Variants in CASKIN2 observed in about 807,000 individuals in gnomAD.
CASKIN2 encodes the protein CASK interacting protein 2.
Under a neutral mutation model 107.1 loss-of-function variants are expected in CASKIN2, and 41 were observed. The observed-to-expected ratio is 0.38, with a 90% CI of 0.30 to 0.50. CASKIN2 has a LOEUF of 0.50. Ranked by LOEUF, CASKIN2 falls within the 20% of genes least tolerant of loss-of-function variation. The pLI, the probability that CASKIN2 is intolerant of heterozygous loss-of-function variation, is 0.92. For missense variants in CASKIN2, 1,546 were observed against 1,657.4 expected (o/e 0.93, Z 1.17); for synonymous variants, 724 against 705.6 (o/e 1.03, Z -0.41).
intron 2 of CASKIN2, among the ~76,000 whole-genome samples, chr17:75,510,361 C>G (rs555160243): frequency 2.0e-5 from 3 of 152,270 alleles, no homozygotes; most frequent in African/African-American, 7.2e-5. Flanking sequence ...TGTTCTCTCT[C>G]TGGATAGCTA....
At chr17:75,501,376 C>T (rs2053180651) in intron 19 of CASKIN2, 92 bp downstream of exon 19, 1 of 1,405,744 alleles carries the variant, frequency 7.1e-7, no homozygotes, top group Non-Finnish European at 9.9e-7. Context: ...CTGCAATGTC[C>T]CCCTCCAACA....
At position 75,503,975 on chromosome 17, in the gene CASKIN2, G is replaced by C; in HGVS notation, c.1468-13C>G. 1 of 1,602,846 alleles carries C rather than the reference G, an allele frequency of 6.2e-7. No homozygotes were observed. On this transcript the variant is annotated splice_polypyrimidine_tract_variant and intron_variant, in intron 14 of 19. Coordinates refer to ENST00000321617, the MANE Select transcript of CASKIN2 (RefSeq NM_020753.5). ...TGGCCTGCGCGTCCTGCGGGGTGGGGGAAGGGGGCAGAATTAGCAGGAGCT... is the reference window on the plus strand; with the variant it reads ...TGGCCTGCGCGTCCTGCGGGGTGGGCGAAGGGGGCAGAATTAGCAGGAGCT...
Position 75,506,905 on chromosome 17 carries a change from G to A in CASKIN2, c.391-11C>T, listed in dbSNP as rs1327522620. ...GAGGAGCATTTCTGACTGGGGTTGG[G>A]GGAGCCGAGTGAGGGGGCCTGGCCT... On this transcript the variant is annotated splice_polypyrimidine_tract_variant and intron_variant, in intron 5 of 19. Transcript: ENST00000321617. The surrounding 1 kb of genome is among the most constrained non-coding windows in gnomAD (Gnocchi z 4.8). 1 of 1,611,556 alleles carries A rather than the reference G, an allele frequency of 6.2e-7. No homozygotes were observed. Among genetic ancestry groups the A allele is most frequent in the Non-Finnish European group, 8.5e-7 (1 of 1,178,828 alleles).
In CASKIN2 at chr17:75,506,049, G is replaced by C; in HGVS notation, c.727-120C>G. On this transcript the variant is annotated intron_variant, in intron 8 of 19. Transcript: ENST00000321617. This position sits in a 1 kb window ranked among gnomAD's most constrained non-coding sequence, Gnocchi z 4.8. ...TTCCGATTTTACAGATGAGGACATA[G>C]AGGCTCAGGGACTCAGTCAAGGACA... 1 of 837,492 alleles carries C rather than the reference G, an allele frequency of 1.2e-6. No homozygotes were observed. Among genetic ancestry groups the C allele is most frequent in the East Asian group, 2.7e-5 (1 of 37,402 alleles). The allele number at this position is 837,492 out of a possible 1,614,324, so 51.9% of individuals were successfully genotyped here. A position where few individuals can be genotyped will look rare whatever the true frequency, so the allele number is the denominator to read the frequency against.
chr17:75,505,640 T>A lies in CASKIN2; in HGVS notation c.847A>T (p.Ile283Phe). 1 of 1,613,070 alleles carries A rather than the reference T, an allele frequency of 6.2e-7. No individual in the cohort carries two copies. The highest frequency in any genetic ancestry group is 8.5e-7 in the Non-Finnish European group (1 of 1,179,882). The change falls in exon 10 of 20, where the codon ATC becomes TTC. Residue 283 changes from isoleucine to phenylalanine, a missense_variant. Physicochemically the swap from Ile to Phe is conservative, Grantham distance 21. Transcript: ENST00000321617. The surrounding 1 kb of genome is among the most constrained non-coding windows in gnomAD (Gnocchi z 5.1). ...TCCTTGAGCGCTCGGACCTTCAGGATCCCTGAGGCCTCTAAGAAAACGGGG... is the reference window on the plus strand; with the variant it reads ...TCCTTGAGCGCTCGGACCTTCAGGAACCCTGAGGCCTCTAAGAAAACGGGG... ...IKQLLREASG[I>F]LKVRALKDFW...
chr17:75,504,002 G>C (rs2053234291), intron 14 of CASKIN2, 40 bp from the exon 15 acceptor site: 1 of 1,556,532 alleles, frequency 6.4e-7, no homozygotes, highest in South Asian at 1.1e-5. Context: ...GCAGGAGCTG[G>C]ACCAAGGCCC....
In CASKIN2 at chr17:75,505,750, C is replaced by G. The variant is rs2053258201; in HGVS notation, c.835+71G>C. On this transcript the variant is annotated intron_variant, in intron 9 of 19. Coordinates refer to ENST00000321617, the MANE Select transcript of CASKIN2 (RefSeq NM_020753.5). The surrounding 1 kb of genome is among the most constrained non-coding windows in gnomAD (Gnocchi z 5.1). ...CAACCCTCCCCCAGGGACGTCCACT[C>G]CCCCTCCACATCCTGGTACCACTTG... The G allele has an allele frequency of 1.9e-6, 3 of 1,562,014 alleles. No individual in the cohort carries two copies. In the African/African-American group the frequency reaches 4.1e-5, roughly 21 times the overall value.
rs764042473 is a variant in CASKIN2 at position 75,504,918 on chromosome 17, G to C, written c.1086C>G (p.Pro362=). 4 of 1,609,884 alleles carry C rather than the reference G, an allele frequency of 2.5e-6. No homozygotes were observed. The highest frequency in any genetic ancestry group is 3.4e-6 in the Non-Finnish European group (4 of 1,178,278). Residue 362 remains proline, a synonymous_variant, in exon 11 of 20, where the codon CCC becomes CCG. Transcript: ENST00000321617. ...PAARLPSAPT[P]LRPGFSRTPQ... ...GTGTCCGGGAGAAGCCTGGGCGCAG[G>C]GGGGTGGGTGCGGAGGGGAGGCGGG...
chr17:75,508,973 G>A (rs1163103595), intron 2 of CASKIN2, among the ~76,000 whole-genome samples: 1 of 152,214 alleles, frequency 6.6e-6, no homozygotes, highest in African/African-American at 2.4e-5. Context: ...ATGTTAGGGC[G>A]ATGGTCCTCC....
At chr17:75,514,937 G>T (rs1598471804) in intron 1 of CASKIN2, among the ~76,000 whole-genome samples, 1 of 152,084 alleles carries the variant, frequency 6.6e-6, no homozygotes, top group South Asian at 2.1e-4. Flanking sequence ...GGACTCCACC[G>T]CAGAGAAGCT....
At chr17:75,504,139 C>G in intron 14 of CASKIN2, 76 bp downstream of exon 14, 1 of 1,447,372 alleles carries the variant, frequency 6.9e-7, no homozygotes, top group South Asian at 1.3e-5. Flanking sequence ...ACCTTCCCCC[C>G]CGAGGCCCAC....
At chr17:75,507,249 C>G (rs1403230672) in intron 4 of CASKIN2, 120 bp from the exon 5 acceptor site, 5 of 1,152,508 alleles carry the variant, frequency 4.3e-6, no homozygotes, top group Non-Finnish European at 6.0e-6. Flanking sequence ...GGATGCAATG[C>G]TGGCTCTATC....
Position 75,501,143 on chromosome 17 carries a change from A to C in CASKIN2, c.3546T>G (p.Ile1182Met), listed in dbSNP as rs1175626333. 1 of 1,593,234 alleles carries C rather than the reference A, an allele frequency of 6.3e-7. No homozygotes were observed. The highest frequency in any genetic ancestry group is 1.8e-5 in the Admixed American group (1 of 56,622). Reference sequence around the variant, plus strand: ...CGAACATGGTGCTGATGTCATCCAGAATGTGCTTGGTGGAGGCGCTGGGGG... The same window carrying C: ...CGAACATGGTGCTGATGTCATCCAGCATGTGCTTGGTGGAGGCGCTGGGGG... The part of the protein sequence containing the change: ...EGTPSASTKH[I>M]LDDISTMFDA... The change falls in exon 20 of 20, where the codon ATT becomes ATG. Residue 1182 changes from isoleucine to methionine, a missense_variant. Around this residue, in one of 6 missense-constraint regions of CASKIN2, gnomAD observed 1,311 missense variants for 1,311.0 expected, o/e 1.00. Coordinates refer to ENST00000321617, the MANE Select transcript of CASKIN2 (RefSeq NM_020753.5).
chr17:75,503,151 C>G lies in CASKIN2; in HGVS notation c.1923G>C (p.Lys641Asn). 3.1e-6 allele frequency: 5 copies of G among 1,604,720 alleles called. No homozygotes were observed. Among genetic ancestry groups the G allele is most frequent in the Non-Finnish European group, 4.2e-6 (5 of 1,177,436 alleles). ...CCTCGATGGCCATCAGCTCCGGACC[C>G]TTGGCCAGCCGGCGCCCGCCTTCGC... ...ALSEGGRRLA[K>N]GPELMAIEGL... The change falls in exon 18 of 20, where the codon AAG (lysine) becomes AAC (asparagine). Residue 641 changes from lysine to asparagine, a missense_variant. Physicochemically the swap from Lys to Asn is moderately conservative, Grantham distance 94. Coordinates refer to ENST00000321617, the MANE Select transcript of CASKIN2 (RefSeq NM_020753.5).
intron 2 of CASKIN2, 57 bp from the exon 3 acceptor site, chr17:75,508,342 C>T (rs2053287254): frequency 1.9e-6 from 3 of 1,567,034 alleles, no homozygotes; most frequent in Middle Eastern, 1.7e-4. Flanking sequence ...CACTCAGCAT[C>T]CCTCCCCCCA....
chr17:75,511,116 A>G (rs2053312590), intron 2 of CASKIN2, among the ~76,000 whole-genome samples: 1 of 139,912 alleles, frequency 7.1e-6, no homozygotes, highest in Non-Finnish European at 1.5e-5. Flanking sequence ...GCTGGAGTGC[A>G]GTGGTACAAT....
At chr17:75,514,771 T>C (rs1034658087) in intron 1 of CASKIN2, among the ~76,000 whole-genome samples, 2 of 152,208 alleles carry the variant, frequency 1.3e-5, no homozygotes, top group Non-Finnish European at 2.9e-5. Context: ...GGGCTCTGCC[T>C]GCTAGAGAGG....
rs754355444 is a variant in CASKIN2, at chr17:75,502,724, G to A, written c.2350C>T (p.Pro784Ser). ...GGCGGGTCTGGGGGAGTGGCAGGGGGCCCGGCCAAGTAGGAGAAGGCCCAG... is the reference window on the plus strand; with the variant it reads ...GGCGGGTCTGGGGGAGTGGCAGGGGACCCGGCCAAGTAGGAGAAGGCCCAG... ...APWAFSYLAG[P>S]PATPPDPPRP... is the part of the protein sequence containing the mutation. Residue 784 changes from proline (P) to serine (S), a missense_variant, in exon 18 of 20, where the codon CCC becomes TCC. Physicochemically the swap from Pro to Ser is moderately conservative, Grantham distance 74 (BLOSUM62 -1). Around this residue, in one of 6 missense-constraint regions of CASKIN2, gnomAD observed 1,311 missense variants for 1,311.0 expected, o/e 1.00. Coordinates refer to ENST00000321617, the MANE Select transcript of CASKIN2 (RefSeq NM_020753.5). The surrounding 1 kb of genome is among the most constrained non-coding windows in gnomAD (Gnocchi z 4.3). 3 of 1,579,764 alleles carry A rather than the reference G, an allele frequency of 1.9e-6. No homozygotes were observed. Among genetic ancestry groups the A allele is most frequent in the African/African-American group, 1.3e-5 (1 of 74,268 alleles).
Position 75,505,548 on chromosome 17 carries a change from G to A in CASKIN2, c.930+9C>T, listed in dbSNP as rs1417592464. 6.2e-6 allele frequency: 10 copies of A among 1,612,832 alleles called. No homozygotes were observed. The highest frequency in any genetic ancestry group is 8.5e-6 in the Non-Finnish European group (10 of 1,179,386). On this transcript the variant is annotated intron_variant, in intron 10 of 19. Transcript: ENST00000321617. The surrounding 1 kb of genome is among the most constrained non-coding windows in gnomAD (Gnocchi z 5.1). ...ATTTGCAAAGGAATGCCTGCTTGGG[G>A]TCCCTCACCGTGATGACATCCCCTG...
Sources: allele counts gnomAD v4.1 joint callset (sites outside exome capture counted in the v4.1 genomes callset), GRCh38; gene constraint gnomAD v4.1.1; regional missense constraint gnomAD v4.1.1; non-coding constraint Gnocchi (gnomAD v3.1); transcripts MANE v1.5; gene names NCBI Gene and HGNC (gene_info 2026-07-23, HGNC 2026-07-21).